The following CACNA1C variants were observed in gnomAD, a reference collection of about 807,000 sequenced individuals.
The protein encoded by CACNA1C is voltage-dependent L-type calcium channel subunit alpha-1C.
Under a neutral mutation model 229.0 loss-of-function variants are expected in CACNA1C, and 30 were observed. The ratio of observed to expected loss-of-function variants is 0.13; its 90% confidence interval spans 0.10 to 0.18. The LOEUF (loss-of-function observed/expected upper bound fraction) is 0.18, where lower values mean the gene tolerates loss of function less well. CACNA1C is among the 10% of genes least tolerant of loss of function. The probability of loss-of-function intolerance (pLI) is 1.00; values close to 1 mark genes in which losing one functional copy is unlikely to be tolerated. For synonymous variants in CACNA1C, 1,114 were observed against 1,132.5 expected (o/e 0.98, Z 0.33); for missense variants, 1,658 against 2,845.0 (o/e 0.58, Z 9.49).
chr12:2,316,782 G>T (rs573672592), intron 3 of CACNA1C, among the ~76,000 whole-genome samples: 2 of 152,202 alleles, frequency 1.3e-5, no homozygotes, highest in Non-Finnish European at 2.9e-5. Context: ...GACTGTGCGG[G>T]TGTGTCCTAT....
chr12:1,999,079 C>T (rs1405297352), intron 1 of CACNA1C, among the ~76,000 whole-genome samples: 1 of 152,240 alleles, frequency 6.6e-6, no homozygotes, highest in Admixed American at 6.5e-5. Flanking sequence ...CCCAGATCAG[C>T]GGCATCAGCG....
At chr12:2,622,114 TATC>T (rs768209349) in intron 29 of CACNA1C, among the ~76,000 whole-genome samples, 4 of 151,958 alleles carry the variant, frequency 2.6e-5, no homozygotes, top group Non-Finnish European at 5.9e-5. Context: ...GAGAAGAAAA[TATC>T]ATTCCCCAGG....
At chr12:2,226,122 C>CGT (rs1491282095) in intron 3 of CACNA1C, among the ~76,000 whole-genome samples, 42 of 88,156 alleles carry the variant, frequency 4.8e-4, no homozygotes, top group African/African-American at 2.0e-3. Context: ...GATATGGGGA[C>CGT]GCGCACACAC....
Position 2,488,403 on chromosome 12 carries a change from G to A in CACNA1C, c.916+2141G>A, listed in dbSNP as rs1170675962. 2.0e-5 allele frequency among the ~76,000 whole-genome samples: 3 copies of A among 152,162 alleles called. No homozygotes were observed. Among genetic ancestry groups the A allele is most frequent in the South Asian group, 4.1e-4 (2 of 4,828 alleles). The stretch of plus-strand genomic sequence containing the variant: ...GCCGTCCTGAAGGCCATAGCCGTAG[G>A]GCCCAGTGAAGAGGTCGCCCCAACG... On this transcript the variant is annotated intron_variant, in intron 6 of 46. Transcript: ENST00000399655. The surrounding 1 kb of genome is among the most constrained non-coding windows in gnomAD (Gnocchi z 4.0).
chr12:2,685,811 G>A lies in CACNA1C; in HGVS notation c.5649G>A (p.Pro1883=), dbSNP rs56270948. 31,035 of 1,556,064 alleles carry A rather than the reference G, an allele frequency of 0.02. 345 individuals carry two copies. The highest frequency in any genetic ancestry group is 0.029 in the East Asian group (1,293 of 44,516). Residue 1883 remains proline, a synonymous_variant, in exon 44 of 47, where the codon CCG becomes CCA. Coordinates refer to ENST00000399655, the MANE Select transcript of CACNA1C (RefSeq NM_000719.7). ...EEDKRDIRQS[P]KRGFLRSASL... ...ACAAGAGGGACATCCGGCAATCTCC[G>A]AAGAGGGGTTTCCTCCGCTCTGCCT...
intron 1 of CACNA1C, among the ~76,000 whole-genome samples, chr12:2,087,313 A>T (rs749208549): frequency 3.9e-5 from 6 of 152,038 alleles, no homozygotes; most frequent in Non-Finnish European, 7.4e-5. Flanking sequence ...ACAATGGGGG[A>T]GAGTCCTTTC....
intron 34 of CACNA1C, among the ~76,000 whole-genome samples, chr12:2,658,718 C>G (rs2095549044): frequency 6.6e-6 from 1 of 151,948 alleles, no homozygotes; most frequent in Non-Finnish European, 1.5e-5. Context: ...GATGACAGCT[C>G]CATGCATGTT....
chr12:2,679,626 C>T lies in CACNA1C; in HGVS notation c.5274C>T (p.Tyr1758=), dbSNP rs1174051931. The T allele has an allele frequency of 1.2e-6, 2 of 1,613,928 alleles. No individual in the cohort carries two copies. Among genetic ancestry groups the T allele is most frequent in the Non-Finnish European group, 1.7e-6 (2 of 1,179,852 alleles). ...LVDSTFTPSS[Y]SSTGSNANIN... ...ACTCCACCTTCACCCCGAGCAGCTA[C>T]TCGTCCACCGGCTCCAACGCCAACA... Residue 1758 remains tyrosine (Y), a synonymous_variant, in exon 42 of 47, where the codon TAC becomes TAT. Coordinates refer to ENST00000399655, the MANE Select transcript of CACNA1C (RefSeq NM_000719.7). This position sits in a 1 kb window ranked among gnomAD's most constrained non-coding sequence, Gnocchi z 5.5.
At chr12:2,256,942 C>T (rs569627805) in intron 3 of CACNA1C, among the ~76,000 whole-genome samples, 1 of 152,272 alleles carries the variant, frequency 6.6e-6, no homozygotes, top group East Asian at 1.9e-4. Flanking sequence ...GTTCCTTTAT[C>T]CATTCTTCTA....
intron 3 of CACNA1C, among the ~76,000 whole-genome samples, chr12:2,298,882 C>T (rs1393473510): frequency 6.6e-6 from 1 of 152,218 alleles, no homozygotes; most frequent in African/African-American, 2.4e-5. Flanking sequence ...TCTTGCAGGA[C>T]ACTGTGCTGG....
rs1166962435 is a variant in CACNA1C, at chr12:2,019,577, AAG to A, written c.139+48386_139+48387del. 1.3e-3 allele frequency among the ~76,000 whole-genome samples: 152 copies of A among 117,524 alleles called. 2 individuals are homozygous for A. The highest frequency in any genetic ancestry group is 5.5e-3 in the African/African-American group (145 of 26,148). The allele number at this position is 117,524 out of a possible 152,430, so 77.1% of individuals were successfully genotyped here. On this transcript the variant is annotated intron_variant, in intron 1 of 46. Transcript: ENST00000682462. ...AGGAAGGAAGGAAGGAAAGAAAAGA[AAG>A]AGAGAGAGAAAGAAAGAGAAGGAAA...
intron 1 of CACNA1C, among the ~76,000 whole-genome samples, chr12:2,071,130 CGCTT>C (rs2061105017): frequency 1.7e-5 from 1 of 58,584 alleles, no homozygotes; most frequent in African/African-American, 7.8e-5. Flanking sequence ...TCCCCCTTCC[CGCTT>C]CCCCCTCCTC....
intron 3 of CACNA1C, among the ~76,000 whole-genome samples, chr12:2,216,463 A>G (rs375198216): frequency 6.6e-5 from 10 of 152,218 alleles, no homozygotes; most frequent in East Asian, 3.8e-4. Flanking sequence ...TTGGAATGCA[A>G]TCAGTCAAAC....
At chr12:2,559,770 C>G (rs1380668372) in intron 11 of CACNA1C, among the ~76,000 whole-genome samples, 1 of 152,180 alleles carries the variant, frequency 6.6e-6, no homozygotes, top group Non-Finnish European at 1.5e-5. Flanking sequence ...GAATAGTAAA[C>G]CCTGTTCCTG....
chr12:2,185,594 A>G (rs931687391), intron 3 of CACNA1C, among the ~76,000 whole-genome samples: 1 of 152,218 alleles, frequency 6.6e-6, no homozygotes, highest in African/African-American at 2.4e-5. Context: ...ACAGACACAC[A>G]TAGAAGGAAA....
At chr12:2,166,270 G>A (rs1246833396) in intron 3 of CACNA1C, among the ~76,000 whole-genome samples, 1 of 152,162 alleles carries the variant, frequency 6.6e-6, no homozygotes, top group Non-Finnish European at 1.5e-5. Flanking sequence ...ACAGAGAGAG[G>A]CCTCTACCAT....
At position 2,089,860 on chromosome 12, in the gene CACNA1C, C is replaced by CCATCT. The variant is rs549166782; in HGVS notation, c.50-25363_50-25362insATCTC. ...CCAGCCTGGCCAACATAGTGAAACCCCTACTAAAAATACAAAAAATTAGCC... is the reference window on the plus strand; with the variant it reads ...CCAGCCTGGCCAACATAGTGAAACCCCATCTCTACTAAAAATACAAAAAATTAGCC... On this transcript the variant is annotated intron_variant, in intron 1 of 46. Transcript: ENST00000399655. Among the ~76,000 whole-genome samples the CCATCT allele has an allele frequency of 5.3e-5, 6 of 113,440 alleles. No individual in the cohort carries two copies. In the South Asian group the frequency reaches 9.2e-4, roughly 17 times the overall value. 74.4% of individuals were successfully genotyped at this position (113,440 alleles called of 152,430 possible).
chr12:2,265,243 A>G (rs973732453), intron 3 of CACNA1C, among the ~76,000 whole-genome samples: 1 of 152,192 alleles, frequency 6.6e-6, no homozygotes, highest in Non-Finnish European at 1.5e-5. Context: ...ATGTCTGGCT[A>G]TCTAGGTGAA....
chr12:2,587,042 T>C (rs1179095204), intron 18 of CACNA1C, among the ~76,000 whole-genome samples: 1 of 152,226 alleles, frequency 6.6e-6, no homozygotes, highest in East Asian at 1.9e-4. Flanking sequence ...AATGACGTTT[T>C]AGAGGGAAAT....
Sources: allele counts gnomAD v4.1 joint callset (sites outside exome capture counted in the v4.1 genomes callset), GRCh38; gene constraint gnomAD v4.1.1; non-coding constraint Gnocchi (gnomAD v3.1); transcripts MANE v1.5; gene names NCBI Gene and HGNC (gene_info 2026-07-23, HGNC 2026-07-21).